Variants in PTPRG observed in about 807,000 individuals in gnomAD.
PTPRG encodes the protein receptor-type tyrosine-protein phosphatase gamma.
PTPRG carries 102 observed loss-of-function variants against 165.3 expected under a neutral mutation model. The observed-to-expected ratio is 0.62, with a 90% confidence interval of 0.53 to 0.73. The LOEUF (loss-of-function observed/expected upper bound fraction) is 0.73. PTPRG is among the 30% of genes least tolerant of loss of function. The pLI is 0.00. For synonymous variants in PTPRG, 675 were observed against 669.5 expected, an observed-to-expected ratio of 1.01 and a Z score of -0.13; for missense variants, 1,866 against 1,861.4, an observed-to-expected ratio of 1.00 and a Z score of -0.05.
rs142856166 is a variant in PTPRG, at chr3:61,933,388, T to C, written c.191-56237T>C. Among the ~76,000 whole-genome samples, 115 of 152,338 alleles carry C rather than the reference T, an allele frequency of 7.5e-4. 2 individuals carry two copies. The East Asian group carries it at 0.021, about 28-fold the overall frequency. ...CCTGATGGGCACTCATTAAATATGT[T>C]GTGAACAAATAACAAACCACTGTAA... On this transcript the variant is annotated intron_variant, in intron 2 of 29. Transcript: ENST00000474889.
rs754961930 is a variant in PTPRG at position 61,989,664 on chromosome 3, G to T, written c.230G>T (p.Ser77Ile). 1 of 1,614,134 alleles carries T rather than the reference G, an allele frequency of 6.2e-7. No individual in the cohort carries two copies. Among genetic ancestry groups the T allele is most frequent in the Non-Finnish European group, 8.5e-7 (1 of 1,180,000 alleles). Residue 77 changes from serine (S) to isoleucine (I), a missense_variant, in exon 3 of 30, where the codon AGC (serine) becomes ATC (isoleucine). By Grantham distance (142) the Ser-to-Ile change is moderately radical. This residue lies in a region of PTPRG where 408 missense variants were observed against 376.2 expected (regional missense o/e 1.08). Coordinates refer to ENST00000474889, the MANE Select transcript of PTPRG (RefSeq NM_002841.4). ...GPEHWVTSSV[S>I]CGGRHQSPID... ...GAGCACTGGGTCACGTCTAGTGTCAGCTGTGGGGGCCGTCACCAGTCTCCT... is the reference window on the plus strand; with the variant it reads ...GAGCACTGGGTCACGTCTAGTGTCATCTGTGGGGGCCGTCACCAGTCTCCT...
intron 1 of PTPRG, among the ~76,000 whole-genome samples, chr3:61,581,839 A>T (rs1478683292): frequency 6.6e-6 from 1 of 151,704 alleles, no homozygotes; most frequent in Non-Finnish European, 1.5e-5. Context: ...CGAACTCCTG[A>T]CCTTAAGTGA....
chr3:62,132,533 A>G, intron 5 of PTPRG, 69 bp from the exon 6 acceptor site: 1 of 1,242,580 alleles, frequency 8.0e-7, no homozygotes, highest in Middle Eastern at 1.9e-4. Context: ...TCTCTTTAGA[A>G]GATTAAACTG....
Position 62,271,610 on chromosome 3 carries a change from G to A in PTPRG, c.3182+55G>A. 1 of 1,516,550 alleles carries A rather than the reference G, an allele frequency of 6.6e-7. No homozygotes were observed. The highest frequency in any genetic ancestry group is 9.0e-7 in the Non-Finnish European group (1 of 1,116,664). The allele number at this position is 1,516,550 out of a possible 1,614,324, so 93.9% of individuals were successfully genotyped here. A position where few individuals can be genotyped will look rare whatever the true frequency, so the allele number is the denominator to read the frequency against. Reference sequence around the variant, plus strand: ...GATGGGGCAGGGGACTTAGGCCTCAGTGACCTTGGACCACAATGATTGCTA... The same window carrying A: ...GATGGGGCAGGGGACTTAGGCCTCAATGACCTTGGACCACAATGATTGCTA... On this transcript the variant is annotated intron_variant, in intron 21 of 29. Coordinates refer to ENST00000474889, the MANE Select transcript of PTPRG (RefSeq NM_002841.4). The surrounding 1 kb of genome is among the most constrained non-coding windows in gnomAD (Gnocchi z 4.1).
At chr3:61,872,980 C>G (rs751643702) in intron 2 of PTPRG, among the ~76,000 whole-genome samples, 2 of 152,080 alleles carry the variant, frequency 1.3e-5, no homozygotes, top group Non-Finnish European at 2.9e-5. Flanking sequence ...GTGGGTCAGG[C>G]CCATCAGAGT....
At chr3:61,950,982 C>A (rs2039886210) in intron 2 of PTPRG, among the ~76,000 whole-genome samples, 2 of 152,218 alleles carry the variant, frequency 1.3e-5, no homozygotes, top group African/African-American at 4.8e-5. Context: ...CCATCGCTCC[C>A]TTTCAGCCCA....
At chr3:62,121,998 G>A (rs551789971) in intron 5 of PTPRG, among the ~76,000 whole-genome samples, 6 of 152,286 alleles carry the variant, frequency 3.9e-5, no homozygotes, top group Non-Finnish European at 7.4e-5. Flanking sequence ...ATACAAAGCT[G>A]AACTCTTCAG....
intron 2 of PTPRG, among the ~76,000 whole-genome samples, chr3:61,870,494 T>TG: frequency 2.3e-5 from 3 of 127,988 alleles, no homozygotes; most frequent in Admixed American, 7.9e-5. Context: ...TTTTTTTTTT[T>TG]TTTTTTTTGT....
intron 1 of PTPRG, among the ~76,000 whole-genome samples, chr3:61,708,894 C>G (rs775328488): frequency 2.6e-5 from 4 of 152,350 alleles, no homozygotes; most frequent in Non-Finnish European, 5.9e-5. Context: ...CAGGGGCGCA[C>G]TTGCCCTAAA....
Position 62,270,560 on chromosome 3 carries a change from A to C in PTPRG, c.3010-823A>C, listed in dbSNP as rs77360779. Among the ~76,000 whole-genome samples the C allele has an allele frequency of 9.2e-4, 140 of 152,292 alleles. 1 individual carries two copies. The East Asian group carries it at 0.026, about 29-fold the overall frequency. On this transcript the variant is annotated intron_variant, in intron 20 of 29. Transcript: ENST00000474889. ...CAGCTTAAGTCAGAGGAAGAAGTCA[A>C]ATAGGAACTTTAGGTGTTTTACATA...
At chr3:62,150,946 C>T (rs973636730) in intron 6 of PTPRG, among the ~76,000 whole-genome samples, 18 of 152,148 alleles carry the variant, frequency 1.2e-4, no homozygotes, top group African/African-American at 1.2e-4. Flanking sequence ...GACTGTTCAT[C>T]GTATTTTATA....
At chr3:61,816,947 G>T (rs942482940) in intron 2 of PTPRG, among the ~76,000 whole-genome samples, 1 of 142,456 alleles carries the variant, frequency 7.0e-6, no homozygotes, top group Admixed American at 7.5e-5. Flanking sequence ...AAGCTTTTTG[G>T]TAGTACCTGA....
chr3:61,579,454 C>T (rs1700234837), intron 1 of PTPRG, among the ~76,000 whole-genome samples: 1 of 152,184 alleles, frequency 6.6e-6, no homozygotes, highest in African/African-American at 2.4e-5. Flanking sequence ...ATTTTTTGAG[C>T]ACCTACTGTG....
At chr3:61,942,664 A>T (rs1185933428) in intron 2 of PTPRG, among the ~76,000 whole-genome samples, 2 of 152,252 alleles carry the variant, frequency 1.3e-5, no homozygotes, top group Admixed American at 6.5e-5. Flanking sequence ...CACAGCTATT[A>T]CACAGCTATT....
intron 4 of PTPRG, among the ~76,000 whole-genome samples, chr3:62,068,779 G>A (rs973442980): frequency 1.3e-5 from 2 of 152,158 alleles, no homozygotes; most frequent in Non-Finnish European, 2.9e-5. Flanking sequence ...CATAGCCCTA[G>A]TGTGCACCTT....
intron 4 of PTPRG, among the ~76,000 whole-genome samples, chr3:62,065,484 T>G (rs1199984450): frequency 5.3e-5 from 8 of 152,218 alleles, no homozygotes; most frequent in Non-Finnish European, 2.9e-5. Flanking sequence ...TCAGGGGGCT[T>G]GCAGCCCTGC....
At chr3:61,868,607 G>T (rs1215292640) in intron 2 of PTPRG, among the ~76,000 whole-genome samples, 2 of 152,130 alleles carry the variant, frequency 1.3e-5, no homozygotes, top group Non-Finnish European at 2.9e-5. Flanking sequence ...TAAAGGTTTT[G>T]TTGGGCAAAG....
intron 2 of PTPRG, among the ~76,000 whole-genome samples, chr3:61,887,170 A>ATATATATATATATTTTTTTT (rs60282456): frequency 8.7e-6 from 1 of 115,524 alleles, no homozygotes; most frequent in Admixed American, 9.3e-5. Flanking sequence ...ATATATATAT[A>ATATATATATATATTTTTTTT]TTTTTAATGC....
Position 61,607,387 on chromosome 3 carries a change from T to G in PTPRG, c.85+45015T>G, listed in dbSNP as rs556242986. 1.7e-4 allele frequency among the ~76,000 whole-genome samples: 26 copies of G among 152,318 alleles called. No homozygotes were observed. In the East Asian group the frequency reaches 1.9e-3, roughly 11 times the overall value. On this transcript the variant is annotated intron_variant, in intron 1 of 29. Coordinates refer to ENST00000474889, the MANE Select transcript of PTPRG (RefSeq NM_002841.4). ...TATGAATTCAGAAATCGGATCAAAC[T>G]GTGTTCTTTGGGATCCATTAAAACT...
Sources: gnomAD v4.1 joint callset for allele counts (sites outside exome capture counted in the v4.1 genomes callset) on GRCh38, gnomAD v4.1.1 for gene constraint, gnomAD v4.1.1 regional missense constraint, Gnocchi (gnomAD v3.1) non-coding constraint, MANE v1.5 for transcripts, NCBI Gene and HGNC (gene_info 2026-07-23, HGNC 2026-07-21) for gene names.